The following SIK3 variants were observed in gnomAD, a reference collection of about 807,000 sequenced individuals.
SIK3 encodes serine/threonine-protein kinase SIK3.
A neutral mutation model predicts 144.2 loss-of-function variants in SIK3; 28 were observed. The ratio of observed to expected loss-of-function variants is 0.19; its 90% CI spans 0.14 to 0.27. The LOEUF is 0.27. Ranked by LOEUF, SIK3 falls within the 10% of genes least tolerant of loss-of-function variation. SIK3 has a pLI of 1.00. For missense variants in SIK3, 1,319 were observed against 1,776.0 expected (o/e 0.74, Z 4.62); for synonymous variants, 686 against 676.3 (o/e 1.01, Z -0.22).
At chr11:116,885,636 T>C (rs1565408799) in intron 6 of SIK3, among the ~76,000 whole-genome samples, 2 of 152,246 alleles carry the variant, frequency 1.3e-5, no homozygotes. Flanking sequence ...GAGTTCCTGC[T>C]ACTCGTTTTT....
At chr11:117,048,668 T>C (rs1246555984) in intron 1 of SIK3, among the ~76,000 whole-genome samples, 2 of 151,852 alleles carry the variant, frequency 1.3e-5, no homozygotes, top group Non-Finnish European at 2.9e-5. Context: ...AAAAAAAAAC[T>C]TTCCCATTAA....
chr11:116,949,877 G>A (rs969066174), intron 3 of SIK3, among the ~76,000 whole-genome samples: 6 of 152,062 alleles, frequency 3.9e-5, no homozygotes, highest in Non-Finnish European at 8.8e-5. Flanking sequence ...AAGAAATTAG[G>A]AGCTGTTTTA....
intron 1 of SIK3, among the ~76,000 whole-genome samples, chr11:117,086,559 T>G (rs1023574632): frequency 6.6e-6 from 1 of 150,466 alleles, no homozygotes; most frequent in African/African-American, 2.5e-5. Flanking sequence ...GGTGTGGTGG[T>G]GGGCGCCCGT....
chr11:117,009,778 AT>A (rs1267387907), intron 1 of SIK3, among the ~76,000 whole-genome samples: 1 of 152,010 alleles, frequency 6.6e-6, no homozygotes, highest in Non-Finnish European at 1.5e-5. Flanking sequence ...CTTCCTGAAA[AT>A]TTTCTGAGTC....
intron 3 of SIK3, among the ~76,000 whole-genome samples, chr11:116,941,997 A>G (rs1948331206): frequency 6.6e-6 from 1 of 152,216 alleles, no homozygotes; most frequent in Non-Finnish European, 1.5e-5. Context: ...AATAAACTGG[A>G]TAAGTCAATT....
chr11:117,051,731 G>A (rs570345068), intron 1 of SIK3, among the ~76,000 whole-genome samples: 35 of 152,080 alleles, frequency 2.3e-4, no homozygotes, highest in African/African-American at 7.9e-4. Context: ...GTTTCAACAT[G>A]TTGGCCGACC....
At chr11:116,876,685 C>T (rs1284793589) in intron 7 of SIK3, among the ~76,000 whole-genome samples, 1 of 152,204 alleles carries the variant, frequency 6.6e-6, no homozygotes, top group Non-Finnish European at 1.5e-5. Flanking sequence ...GCTGTGCTAT[C>T]TCAAAAGCCA....
At chr11:116,930,774 C>T (rs967937834) in intron 3 of SIK3, among the ~76,000 whole-genome samples, 1 of 152,008 alleles carries the variant, frequency 6.6e-6, no homozygotes, top group Non-Finnish European at 1.5e-5. Context: ...GCCCCCTCCC[C>T]ACCCCCACCA....
intron 1 of SIK3, among the ~76,000 whole-genome samples, chr11:116,995,108 A>T (rs1439977275): frequency 6.6e-6 from 1 of 151,794 alleles, no homozygotes; most frequent in African/African-American, 2.4e-5. Flanking sequence ...TCTCTACAAA[A>T]ATACAAAAAT....
rs780609032 is a variant in SIK3 at position 116,873,893 on chromosome 11, G to A, written c.1581+10C>T. On this transcript the variant is annotated intron_variant, in intron 12 of 24. Transcript: ENST00000445177. ...TCTTCTGGAGCCAGCCCTCTTCCAT[G>A]TCTAGGTACCTTGTACTCAAGTTGC... The A allele has an allele frequency of 6.2e-7, 1 of 1,608,134 alleles. No individual in the cohort carries two copies. The highest frequency in any genetic ancestry group is 1.1e-5 in the South Asian group (1 of 90,146).
At chr11:116,854,152 G>T (rs1942680497) in intron 21 of SIK3, among the ~76,000 whole-genome samples, 1 of 152,158 alleles carries the variant, frequency 6.6e-6, no homozygotes, top group East Asian at 1.9e-4. Context: ...TTGAGCCCAG[G>T]AGTTCAAGAT....
chr11:117,095,248 A>T (rs2134103424), intron 1 of SIK3, among the ~76,000 whole-genome samples: 1 of 152,070 alleles, frequency 6.6e-6, no homozygotes, highest in Admixed American at 6.6e-5. Flanking sequence ...TAATGTTCAG[A>T]AAATACCTAT....
chr11:116,876,790 C>T (rs376376565), intron 7 of SIK3, 134 bp downstream of exon 7: 14 of 705,378 alleles, frequency 2.0e-5, no homozygotes, highest in South Asian at 8.1e-5. Flanking sequence ...GCTTGCTTCA[C>T]GTGCTGCTTT....
Position 116,948,630 on chromosome 11 carries a change from C to T in SIK3, c.454+5414G>A, listed in dbSNP as rs558559380. 5.9e-5 allele frequency among the ~76,000 whole-genome samples: 9 copies of T among 152,174 alleles called. No individual in the cohort carries two copies. The South Asian group carries it at 1.2e-3, about 21-fold the overall frequency. ...ATGTTCCTTTCTTTCACTTCTGATTCTAGTCATTTCAGTCTTCTCTTTTTC... is the reference window on the plus strand; with the variant it reads ...ATGTTCCTTTCTTTCACTTCTGATTTTAGTCATTTCAGTCTTCTCTTTTTC... On this transcript the variant is annotated intron_variant, in intron 3 of 24. Transcript: ENST00000445177.
At chr11:117,081,654 T>G (rs1247756064) in intron 1 of SIK3, among the ~76,000 whole-genome samples, 2 of 152,038 alleles carry the variant, frequency 1.3e-5, no homozygotes, top group Non-Finnish European at 2.9e-5. Context: ...AAAAATAAAG[T>G]CTTTGAGGCT....
Position 116,855,473 on chromosome 11 carries a change from CAG to C in SIK3, c.3655+2335_3655+2336del, listed in dbSNP as rs765567206. 2.0e-5 allele frequency: 3 copies of C among 152,262 alleles called. No individual in the cohort carries two copies. In the South Asian group the frequency reaches 6.2e-4, roughly 31 times the overall value. 9.4% of individuals were successfully genotyped at this position (152,262 alleles called of 1,614,324 possible). A position where few individuals can be genotyped will look rare whatever the true frequency, so the allele number is the denominator to read the frequency against. On this transcript the variant is annotated intron_variant, in intron 21 of 24. Transcript: ENST00000445177. The stretch of plus-strand genomic sequence containing the variant: ...GCCGAAGAAGGGGTCCTCTGACAAT[CAG>C]GGGACAATGGGGAATTATGCTCTCC...
intron 4 of SIK3, among the ~76,000 whole-genome samples, chr11:116,916,711 C>G (rs943290948): frequency 1.1e-4 from 17 of 151,082 alleles, no homozygotes; most frequent in African/African-American, 3.9e-4. Flanking sequence ...GGGGTTTCAC[C>G]GTGTTAGCCA....
At chr11:116,899,383 T>C (rs912237366) in intron 4 of SIK3, among the ~76,000 whole-genome samples, 1 of 152,184 alleles carries the variant, frequency 6.6e-6, no homozygotes, top group African/African-American at 2.4e-5. Flanking sequence ...AGCCTTGTAG[T>C]ATAGTTCGAA....
chr11:116,949,198 C>A (rs1948815403), intron 3 of SIK3, among the ~76,000 whole-genome samples: 4 of 152,162 alleles, frequency 2.6e-5, no homozygotes, highest in Admixed American at 2.0e-4. Context: ...GCGCATGCCA[C>A]CATGCCCAGC....
Sources: allele counts gnomAD v4.1 joint callset (sites outside exome capture counted in the v4.1 genomes callset), GRCh38; gene constraint gnomAD v4.1.1; transcripts MANE v1.5; gene names NCBI Gene and HGNC (gene_info 2026-07-23, HGNC 2026-07-21).